The following BMPR1B variants were observed in gnomAD, a reference collection of about 807,000 sequenced individuals.
The protein encoded by BMPR1B is bone morphogenetic protein receptor type-1B.
A neutral mutation model predicts 59.1 loss-of-function variants in BMPR1B; 12 were observed. The ratio of observed to expected loss-of-function variants is 0.20; its 90% CI spans 0.13 to 0.33. The LOEUF is 0.33. BMPR1B is among the 10% of genes least tolerant of loss of function. BMPR1B has a pLI of 1.00. For missense variants in BMPR1B, 550 were observed against 610.9 expected (o/e 0.90, Z 1.05); for synonymous variants, 237 against 207.3 (o/e 1.14, Z -1.23).
chr4:95,038,195 A>G (rs1317931688), intron 3 of BMPR1B, among the ~76,000 whole-genome samples: 1 of 152,158 alleles, frequency 6.6e-6, no homozygotes, highest in East Asian at 1.9e-4. Context: ...AGGAGACACA[A>G]AGCTCTGAGC....
At chr4:94,870,201 G>A (rs866611300) in intron 1 of BMPR1B, among the ~76,000 whole-genome samples, 11 of 152,126 alleles carry the variant, frequency 7.2e-5, no homozygotes, top group Middle Eastern at 3.2e-3. Context: ...ACTTCATGCC[G>A]TATTTGGGCT....
chr4:94,915,551 CT>C (rs1728451084), intron 2 of BMPR1B, among the ~76,000 whole-genome samples: 1 of 152,124 alleles, frequency 6.6e-6, no homozygotes. Flanking sequence ...GATGTTTCAT[CT>C]TTTCTGTAAT....
chr4:94,967,741 C>T (rs1433163862), intron 2 of BMPR1B, among the ~76,000 whole-genome samples: 1 of 152,128 alleles, frequency 6.6e-6, no homozygotes, highest in East Asian at 1.9e-4. Context: ...CCTCAGCCTC[C>T]CAAAGTGCTG....
At chr4:94,983,380 A>G (rs1339344001) in intron 2 of BMPR1B, among the ~76,000 whole-genome samples, 2 of 152,212 alleles carry the variant, frequency 1.3e-5, no homozygotes, top group Non-Finnish European at 2.9e-5. Flanking sequence ...AGCCTACCAC[A>G]TAGCAGTTGC....
At chr4:94,844,968 A>G (rs140558892) in intron 1 of BMPR1B, among the ~76,000 whole-genome samples, 1 of 152,316 alleles carries the variant, frequency 6.6e-6, no homozygotes, top group Non-Finnish European at 1.5e-5. Flanking sequence ...GAAAATCCAG[A>G]GAGTAAAGAG....
chr4:94,954,244 C>A (rs141419378), intron 2 of BMPR1B, among the ~76,000 whole-genome samples: 91 of 152,266 alleles, frequency 6.0e-4, no homozygotes, highest in African/African-American at 2.1e-3. Context: ...CAGAACAGTT[C>A]TCGCTCATTA....
intron 2 of BMPR1B, among the ~76,000 whole-genome samples, chr4:94,994,284 A>C (rs1233777717): frequency 6.6e-6 from 1 of 152,164 alleles, no homozygotes; most frequent in Admixed American, 6.5e-5. Flanking sequence ...CTTACACTCT[A>C]AGCTCCAGCA....
chr4:94,988,180 C>G (rs1306355476), intron 2 of BMPR1B, among the ~76,000 whole-genome samples: 1 of 151,934 alleles, frequency 6.6e-6, no homozygotes, highest in African/African-American at 2.4e-5. Flanking sequence ...TTAAATAACA[C>G]TTTTGATATT....
chr4:94,866,732 C>T (rs1032141470), intron 1 of BMPR1B, among the ~76,000 whole-genome samples: 12 of 151,962 alleles, frequency 7.9e-5, no homozygotes, highest in Non-Finnish European at 7.4e-5. Context: ...TACAGGCATG[C>T]GCCACCATGC....
chr4:94,949,435 G>C (rs1729846741), intron 2 of BMPR1B, among the ~76,000 whole-genome samples: 1 of 104,998 alleles, frequency 9.5e-6, no homozygotes, highest in Non-Finnish European at 2.0e-5. Context: ...TCCTGCCTCA[G>C]CCTCCCGAGT....
At chr4:95,120,607 G>C (rs375548835) in intron 6 of BMPR1B, among the ~76,000 whole-genome samples, 3 of 57,302 alleles carry the variant, frequency 5.2e-5, no homozygotes, top group Admixed American at 2.0e-4. Flanking sequence ...TCAATAGCCT[G>C]CCTTTCCTTC....
At chr4:95,095,158 G>A (rs1730275766) in intron 3 of BMPR1B, among the ~76,000 whole-genome samples, 1 of 151,946 alleles carries the variant, frequency 6.6e-6, no homozygotes, top group African/African-American at 2.4e-5. Context: ...GGCCTTTAGA[G>A]TTGAAAAATT....
chr4:94,972,056 A>C (rs1730810906), intron 2 of BMPR1B, among the ~76,000 whole-genome samples: 1 of 151,666 alleles, frequency 6.6e-6, no homozygotes, highest in South Asian at 2.1e-4. Flanking sequence ...TAATTATTCA[A>C]ACTTAATAGT....
At chr4:95,017,594 A>G (rs200102870) in intron 3 of BMPR1B, among the ~76,000 whole-genome samples, 19 of 152,224 alleles carry the variant, frequency 1.2e-4, no homozygotes, top group East Asian at 1.9e-4. Flanking sequence ...TTTCCTAGAC[A>G]GATGAATCTT....
intron 1 of BMPR1B, among the ~76,000 whole-genome samples, chr4:94,848,890 A>G (rs913641260): frequency 7.9e-5 from 12 of 152,228 alleles, no homozygotes; most frequent in Non-Finnish European, 1.2e-4. Flanking sequence ...AACAATTCCA[A>G]GGATTTTTCC....
intron 3 of BMPR1B, among the ~76,000 whole-genome samples, chr4:95,021,791 A>G (rs1226154927): frequency 6.6e-5 from 10 of 152,214 alleles, no homozygotes; most frequent in Admixed American, 5.2e-4. Flanking sequence ...GAACACTATT[A>G]ATGCTGCTTG....
rs1735495930 is a variant in BMPR1B at position 95,157,363 on chromosome 4, A to G, written c.*2690A>G. The G allele has an allele frequency of 6.6e-6, 1 of 152,010 alleles. No individual in the cohort carries two copies. 9.4% of individuals were successfully genotyped at this position (152,010 alleles called of 1,614,324 possible). ...TAACACTAAATTGTTCTTAAAGACT[A>G]CTCATTTCCCAATAATCCTTTATGA... On this transcript the variant is annotated 3_prime_UTR_variant, in exon 13 of 13. Coordinates refer to ENST00000515059, the MANE Select transcript of BMPR1B (RefSeq NM_001203.3).
At chr4:95,059,537 T>C (rs1368590758) in intron 3 of BMPR1B, among the ~76,000 whole-genome samples, 3 of 152,122 alleles carry the variant, frequency 2.0e-5, no homozygotes, top group Non-Finnish European at 1.5e-5. Flanking sequence ...TTGGGCTGAT[T>C]TTATGCATAT....
At chr4:94,902,720 T>C (rs966066108) in intron 2 of BMPR1B, among the ~76,000 whole-genome samples, 13 of 152,044 alleles carry the variant, frequency 8.6e-5, no homozygotes, top group Admixed American at 3.3e-4. Flanking sequence ...TCTCTTTGAA[T>C]ATATTAAATT....
Sources: allele counts gnomAD v4.1 joint callset (sites outside exome capture counted in the v4.1 genomes callset), GRCh38; gene constraint gnomAD v4.1.1; transcripts MANE v1.5; gene names NCBI Gene and HGNC (gene_info 2026-07-23, HGNC 2026-07-21).